Variants in DNAH6 observed in about 807,000 individuals in gnomAD.
DNAH6 encodes the protein dynein axonemal heavy chain 6.
Under a neutral mutation model 491.4 loss-of-function variants are expected in DNAH6, and 340 were observed. The observed-to-expected ratio is 0.69, with a 90% CI of 0.63 to 0.76. The LOEUF (loss-of-function observed/expected upper bound fraction) is 0.76. Ranked by LOEUF, DNAH6 falls within the 30% of genes least tolerant of loss-of-function variation. The probability of loss-of-function intolerance (pLI) is 0.00; values close to 1 mark genes in which losing one functional copy is unlikely to be tolerated. For missense variants in DNAH6, 4,443 were observed against 4,972.2 expected, an observed-to-expected ratio of 0.89 and a Z score of 3.20; for synonymous variants, 1,603 against 1,686.1, an observed-to-expected ratio of 0.95 and a Z score of 1.21.
At chr2:84,818,511 A>G (rs1471751093) in intron 76 of DNAH6, among the ~76,000 whole-genome samples, 1 of 149,032 alleles carries the variant, frequency 6.7e-6, no homozygotes, top group Non-Finnish European at 1.5e-5. Context: ...AAAAAAAAAA[A>G]AAGGGAAAAA....
At chr2:84,780,022 G>A (rs778833927) in intron 64 of DNAH6, among the ~76,000 whole-genome samples, 13 of 152,224 alleles carry the variant, frequency 8.5e-5, no homozygotes, top group Admixed American at 6.5e-5. Flanking sequence ...CTGATAGGAC[G>A]ACCTTTGTAA....
chr2:84,523,115 C>T (rs751379235), intron 2 of DNAH6, among the ~76,000 whole-genome samples: 2 of 151,592 alleles, frequency 1.3e-5, no homozygotes, highest in Non-Finnish European at 3.0e-5. Context: ...CTATTTATTA[C>T]TGACTTGAGT....
chr2:84,564,349 C>T (rs1680962960), intron 11 of DNAH6, among the ~76,000 whole-genome samples: 1 of 151,768 alleles, frequency 6.6e-6, no homozygotes, highest in Non-Finnish European at 1.5e-5. Flanking sequence ...TTTTCCATCT[C>T]TGATTTATTT....
the DNAH6 span, among the ~76,000 whole-genome samples, chr2:84,468,041 C>T: frequency 3.3e-5 from 5 of 152,198 alleles, no homozygotes; most frequent in African/African-American, 9.6e-5. Flanking sequence ...AAGCATTTAG[C>T]AAACTTAATA....
At chr2:84,631,779 C>T (rs1391509582) in intron 29 of DNAH6, among the ~76,000 whole-genome samples, 2 of 152,190 alleles carry the variant, frequency 1.3e-5, no homozygotes, top group Non-Finnish European at 2.9e-5. Context: ...TTTCAGACTT[C>T]TAGCCTCTAG....
At position 84,688,215 on chromosome 2, in the gene DNAH6, G is replaced by A. The variant is rs928739460; in HGVS notation, c.7138-224G>A. 2.0e-5 allele frequency among the ~76,000 whole-genome samples: 3 copies of A among 149,508 alleles called. No homozygotes were observed. In the South Asian group the frequency reaches 6.4e-4, roughly 32 times the overall value. On this transcript the variant is annotated intron_variant, in intron 44 of 76. Coordinates refer to ENST00000389394, the MANE Select transcript of DNAH6 (RefSeq NM_001370.2). ...GCACCACTGCACCCCACCCAGCCTG[G>A]GCAACAGAGAGAGACTCCATCTCAA...
At position 84,577,340 on chromosome 2, in the gene DNAH6, G is replaced by A. The variant is rs750980061; in HGVS notation, c.2008G>A (p.Gly670Arg). 3.1e-6 allele frequency: 5 copies of A among 1,611,946 alleles called. No individual in the cohort carries two copies. Among genetic ancestry groups the A allele is most frequent in the East Asian group, 4.5e-5 (2 of 44,778 alleles). The part of the protein sequence containing the change: ...AVALRPTRNV[G>R]LLLIDTRLLR... ...AGCGCTCAGACCCACCAGAAATGTA[G>A]GATTGCTGCTCATTGATACTAGGCT... is the stretch of plus-strand genomic sequence containing the variant. The change falls in exon 13 of 77, where the codon GGA (glycine) becomes AGA (arginine). Residue 670 changes from glycine to arginine, a missense_variant. Physicochemically the swap from Gly to Arg is moderately radical, Grantham distance 125 (BLOSUM62 -2). Coordinates refer to ENST00000389394, the MANE Select transcript of DNAH6 (RefSeq NM_001370.2).
rs1293965120 is a variant in DNAH6, at chr2:84,815,949, C to G, written c.12239C>G (p.Ala4080Gly). The G allele has an allele frequency of 3.2e-6, 5 of 1,551,750 alleles. No individual in the cohort carries two copies. The highest frequency in any genetic ancestry group is 4.4e-6 in the Non-Finnish European group (5 of 1,147,024). ...WDDKEMVIEDALPGQMNPVLP... is the reference protein window; with the variant it reads ...WDDKEMVIEDGLPGQMNPVLP... ...GATAAGGAGATGGTGATAGAAGATG[C>G]ATTGCCCGGACAGATGAATCCAGTG... is the stretch of plus-strand genomic sequence containing the variant. The change falls in exon 76 of 77, where the codon GCA (alanine) becomes GGA (glycine). Residue 4080 changes from alanine (A) to glycine (G), a missense_variant. Physicochemically the swap from Ala to Gly is moderately conservative, Grantham distance 60 (BLOSUM62 0). Around this residue, in one of 3 missense-constraint regions of DNAH6, gnomAD observed 1,463 missense variants for 1,656.6 expected, o/e 0.88. Transcript: ENST00000389394.
At chr2:84,645,541 C>T (rs1323685674) in intron 33 of DNAH6, among the ~76,000 whole-genome samples, 1 of 152,042 alleles carries the variant, frequency 6.6e-6, no homozygotes, top group Non-Finnish European at 1.5e-5. Context: ...GTTTGTTGGC[C>T]GCATGTGGTG....
chr2:84,729,462 G>A (rs1313634313), intron 61 of DNAH6, among the ~76,000 whole-genome samples: 1 of 152,118 alleles, frequency 6.6e-6, no homozygotes, highest in East Asian at 1.9e-4. Context: ...CCTCACTGCA[G>A]CCTTATCAAC....
chr2:84,581,079 C>A (rs1051479419), intron 14 of DNAH6, among the ~76,000 whole-genome samples: 1 of 152,230 alleles, frequency 6.6e-6, no homozygotes, highest in Middle Eastern at 3.2e-3. Flanking sequence ...GAGATAATCT[C>A]TCTTTTTCAG....
intron 18 of DNAH6, among the ~76,000 whole-genome samples, chr2:84,599,394 T>C (rs1685006296): frequency 6.6e-6 from 1 of 151,962 alleles, no homozygotes; most frequent in African/African-American, 2.4e-5. Context: ...ATCCAAACAC[T>C]TTTTTTTCAA....
chr2:84,599,124 T>G (rs1476243482), intron 18 of DNAH6, among the ~76,000 whole-genome samples: 1 of 152,162 alleles, frequency 6.6e-6, no homozygotes, highest in Non-Finnish European at 1.5e-5. Context: ...TCCATCTATA[T>G]TCTTTGATTA....
intron 18 of DNAH6, among the ~76,000 whole-genome samples, chr2:84,598,374 A>G (rs1684887687): frequency 6.6e-6 from 1 of 152,034 alleles, no homozygotes; most frequent in Non-Finnish European, 1.5e-5. Flanking sequence ...TAGATGTACC[A>G]TAGTTTGTTT....
intron 68 of DNAH6, among the ~76,000 whole-genome samples, chr2:84,795,221 G>T (rs1024221169): frequency 1.4e-4 from 21 of 150,746 alleles, no homozygotes; most frequent in African/African-American, 5.1e-4. Flanking sequence ...AATGCTAAAT[G>T]ACAAGTTAAT....
the DNAH6 span, among the ~76,000 whole-genome samples, chr2:84,481,243 C>T: frequency 6.6e-6 from 1 of 152,176 alleles, no homozygotes; most frequent in Non-Finnish European, 1.5e-5. Context: ...ACACTAACCC[C>T]TGTGTCCCAG....
At chr2:84,629,458 G>C (rs1204969946) in intron 29 of DNAH6, among the ~76,000 whole-genome samples, 1 of 152,190 alleles carries the variant, frequency 6.6e-6, no homozygotes, top group Non-Finnish European at 1.5e-5. Flanking sequence ...GTATGAAATG[G>C]TATCCCATTG....
chr2:84,533,554 G>A (rs1356334849), intron 4 of DNAH6, among the ~76,000 whole-genome samples: 1 of 152,058 alleles, frequency 6.6e-6, no homozygotes, highest in Non-Finnish European at 1.5e-5. Flanking sequence ...TGTACCTTAG[G>A]ACGGATTTGG....
intron 2 of DNAH6, among the ~76,000 whole-genome samples, chr2:84,521,785 A>G (rs993891267): frequency 5.9e-5 from 9 of 152,034 alleles, no homozygotes; most frequent in African/African-American, 1.9e-4. Context: ...ATGGTTGTAC[A>G]TGTGCGGCCT....
Sources: gnomAD v4.1 joint callset for allele counts (sites outside exome capture counted in the v4.1 genomes callset) on GRCh38, gnomAD v4.1.1 for gene constraint, gnomAD v4.1.1 regional missense constraint, MANE v1.5 for transcripts, NCBI Gene and HGNC (gene_info 2026-07-23, HGNC 2026-07-21) for gene names.